Variants in LHX6 observed in about 807,000 individuals in gnomAD.
LHX6 encodes LIM homeobox 6.
In LHX6, 15 loss-of-function variants were observed where a neutral mutation model predicts 47.1. The observed-to-expected ratio is 0.32, with a 90% CI of 0.21 to 0.49. The LOEUF is 0.49. Among genes scored for constraint, LHX6 ranks in the 20% least tolerant of loss-of-function variants. The pLI is 0.99. For synonymous variants in LHX6, 242 were observed against 233.5 expected (o/e 1.04, Z -0.33); for missense variants, 404 against 539.6 (o/e 0.75, Z 2.49).
chr9:122,218,893 C>A (rs1791680634), intron 4 of LHX6, among the ~76,000 whole-genome samples: 1 of 152,136 alleles, frequency 6.6e-6, no homozygotes, highest in Non-Finnish European at 1.5e-5. Flanking sequence ...AGTCCCACGG[C>A]ACCCTGCACC....
At position 122,226,016 on chromosome 9, in the gene LHX6, G is replaced by A. The variant is rs1348240806; in HGVS notation, c.461+360C>T. Among the ~76,000 whole-genome samples the A allele has an allele frequency of 1.3e-5, 2 of 152,170 alleles. No individual in the cohort carries two copies. The highest frequency in any genetic ancestry group is 4.8e-5 in the African/African-American group (2 of 41,452). On this transcript the variant is annotated intron_variant, in intron 4 of 9. Transcript: ENST00000394319. The surrounding 1 kb of genome is among the most constrained non-coding windows in gnomAD (Gnocchi z 6.5). ...GGAAATGCAGCCGGACGACGGCTGG[G>A]ATCCGAGTGGGTCCGGGCCAGAAAT... is the stretch of plus-strand genomic sequence containing the variant.
chr9:122,206,115 A>G (rs776058250), intron 9 of LHX6, among the ~76,000 whole-genome samples: 2 of 152,160 alleles, frequency 1.3e-5, no homozygotes, highest in Non-Finnish European at 2.9e-5. Flanking sequence ...GAACTTTCCA[A>G]GTGTTGGATT....
intron 1 of LHX6, 71 bp from the exon 2 acceptor site, chr9:122,227,551 G>C (rs1330816265): frequency 2.1e-6 from 3 of 1,446,796 alleles, no homozygotes; most frequent in Non-Finnish European, 1.8e-6. Flanking sequence ...TGAGCCCAGC[G>C]CCTCCCCGCG....
At chr9:122,228,486 A>T in intron 1 of LHX6, 171 bp downstream of exon 1, 3 of 1,169,046 alleles carry the variant, frequency 2.6e-6, no homozygotes, top group Non-Finnish European at 3.2e-6. Flanking sequence ...GCTTTCCGCG[A>T]CCCCCCCCCC....
intron 1 of LHX6, chr9:122,228,290 C>A: frequency 6.5e-7 from 1 of 1,535,040 alleles, no homozygotes; most frequent in Non-Finnish European, 8.7e-7. Context: ...CCTCCAGCCC[C>A]TCGGCGCGCC....
chr9:122,226,304 C>A lies in LHX6; in HGVS notation c.461+72G>T. On this transcript the variant is annotated intron_variant, in intron 4 of 9. Coordinates refer to ENST00000394319, the MANE Select transcript of LHX6 (RefSeq NM_014368.5). This position sits in a 1 kb window ranked among gnomAD's most constrained non-coding sequence, Gnocchi z 6.5. Reference sequence around the variant, plus strand: ...GGGTTCTGGAGGAGAGACCACACGCCGCAAAAGTGGCCTCCGAATGCGCCC... The same window carrying A: ...GGGTTCTGGAGGAGAGACCACACGCAGCAAAAGTGGCCTCCGAATGCGCCC... 6.5e-7 allele frequency: 1 copy of A among 1,542,836 alleles called. No homozygotes were observed. Among genetic ancestry groups the A allele is most frequent in the South Asian group, 1.2e-5 (1 of 80,514 alleles).
chr9:122,206,741 A>T (rs1394563674), intron 9 of LHX6, among the ~76,000 whole-genome samples: 3 of 152,186 alleles, frequency 2.0e-5, no homozygotes, highest in South Asian at 4.2e-4. Context: ...TCCAGGGCCC[A>T]TCCCTGCCCT....
intron 8 of LHX6, among the ~76,000 whole-genome samples, chr9:122,210,631 T>A (rs1830363930): frequency 6.6e-6 from 1 of 152,174 alleles, no homozygotes; most frequent in Admixed American, 6.5e-5. Context: ...GCATCATCTC[T>A]GCTCAGTACA....
At chr9:122,221,636 GGCCAGGGACC>G in intron 4 of LHX6, 1 of 985,506 alleles carries the variant, frequency 1.0e-6, no homozygotes, top group Non-Finnish European at 1.2e-6. Context: ...AAGGCAGGAG[GGCCAGGGACC>G]GCAGTGACCT....
rs1830640041 is a variant in LHX6, at chr9:122,217,515, T to G, written c.462-227A>C. On this transcript the variant is annotated intron_variant, in intron 4 of 9. Transcript: ENST00000394319. The surrounding 1 kb of genome is among the most constrained non-coding windows in gnomAD (Gnocchi z 4.9). ...TTGGTGTTTTTCTGAATTTTCCAAATTTTCTACGATGGTCACTTATATTTG... is the reference window on the plus strand; with the variant it reads ...TTGGTGTTTTTCTGAATTTTCCAAAGTTTCTACGATGGTCACTTATATTTG... Among the ~76,000 whole-genome samples the G allele has an allele frequency of 6.6e-6, 1 of 152,232 alleles. No individual in the cohort carries two copies. Among genetic ancestry groups the G allele is most frequent in the Non-Finnish European group, 1.5e-5 (1 of 68,040 alleles).
At position 122,217,816 on chromosome 9, in the gene LHX6, G is replaced by C. The variant is rs146475417; in HGVS notation, c.462-528C>G. 1.7e-3 allele frequency among the ~76,000 whole-genome samples: 258 copies of C among 152,304 alleles called. No homozygotes were observed. The highest frequency in any genetic ancestry group is 3.4e-3 in the Middle Eastern group (1 of 294). ...ATAGCGCCAGCTGTACAGAAGTGCA[G>C]TTTCTTAGATGAACAGACAGATAAG... is the stretch of plus-strand genomic sequence containing the variant. On this transcript the variant is annotated intron_variant, in intron 4 of 9. Coordinates refer to ENST00000394319, the MANE Select transcript of LHX6 (RefSeq NM_014368.5). The surrounding 1 kb of genome is among the most constrained non-coding windows in gnomAD (Gnocchi z 4.9).
intron 8 of LHX6, among the ~76,000 whole-genome samples, chr9:122,212,141 T>A (rs1481697657): frequency 6.6e-6 from 1 of 152,152 alleles, no homozygotes; most frequent in Non-Finnish European, 1.5e-5. Flanking sequence ...AGTTACCTCG[T>A]TTGATGCTCA....
In LHX6 at chr9:122,227,485, G is replaced by C. The variant is rs1163025279; in HGVS notation, c.85-5C>G. 6.6e-7 allele frequency: 1 copy of C among 1,520,446 alleles called. No homozygotes were observed. The highest frequency in any genetic ancestry group is 8.8e-7 in the Non-Finnish European group (1 of 1,135,640). 94.2% of individuals were successfully genotyped at this position (1,520,446 alleles called of 1,614,324 possible). On this transcript the variant is annotated splice_polypyrimidine_tract_variant and splice_region_variant and intron_variant, in intron 1 of 9. Coordinates refer to ENST00000394319, the MANE Select transcript of LHX6 (RefSeq NM_014368.5). ...GGACCCTGGCTGGGCCATCACCTGG[G>C]GGAGGGGGGGAGGGAACGCAGGCGG...
intron 4 of LHX6, among the ~76,000 whole-genome samples, chr9:122,222,564 ACCAACCTCTC>A (rs1445940901): frequency 6.6e-6 from 1 of 152,160 alleles, no homozygotes; most frequent in African/African-American, 2.4e-5. Context: ...GCCAATGAGA[ACCAACCTCTC>A]CCAACAATGC....
intron 8 of LHX6, among the ~76,000 whole-genome samples, chr9:122,211,097 C>A (rs151174704): frequency 6.6e-6 from 1 of 152,258 alleles, no homozygotes; most frequent in African/African-American, 2.4e-5. Context: ...ACCTTTGGGT[C>A]GGATCCAAAT....
intron 5 of LHX6, among the ~76,000 whole-genome samples, chr9:122,215,486 G>A (rs1830561890): frequency 6.6e-6 from 1 of 152,198 alleles, no homozygotes; most frequent in Admixed American, 6.5e-5. Context: ...TGTTAAGTCT[G>A]TGGACAGGTG....
At position 122,226,926 on chromosome 9, in the gene LHX6, G is replaced by T; in HGVS notation, c.261C>A (p.Ala87=). 1 of 1,559,788 alleles carries T rather than the reference G, an allele frequency of 6.4e-7. No individual in the cohort carries two copies. The highest frequency in any genetic ancestry group is 2.4e-5 in the East Asian group (1 of 42,380). Residue 87 remains alanine, a synonymous_variant, in exon 3 of 10, where the codon GCC becomes GCA. Coordinates refer to ENST00000394319, the MANE Select transcript of LHX6 (RefSeq NM_014368.5). The surrounding 1 kb of genome is among the most constrained non-coding windows in gnomAD (Gnocchi z 6.5). ...STPSVCSPPS[A]ASSVPSAGKN... ...TGCCTGCAGACGGCACGGAGGAGGC[G>T]GCAGAGGGCGGTGAGCAGACAGATG... is the stretch of plus-strand genomic sequence containing the variant.
rs1016599995 is a variant in LHX6, at chr9:122,217,180, C to G, written c.570G>C (p.Ser190=). The G allele has an allele frequency of 3.1e-6, 5 of 1,614,222 alleles. No individual in the cohort carries two copies. Among genetic ancestry groups the G allele is most frequent in the Non-Finnish European group, 3.4e-6 (4 of 1,180,030 alleles). ...AYHLACFACF[S]CKRQLSTGEE... ...CACCAGTGGACAGCTGGCGCTTGCA[C>G]GAGAAGCAGGCGAAGCAGGCCAGGT... The change falls in exon 5 of 10, where the codon TCG becomes TCC. Residue 190 remains serine, a synonymous_variant. Transcript: ENST00000394319. The surrounding 1 kb of genome is among the most constrained non-coding windows in gnomAD (Gnocchi z 4.9).
chr9:122,209,348 A>C (rs1475765809), intron 9 of LHX6, among the ~76,000 whole-genome samples: 2 of 152,256 alleles, frequency 1.3e-5, no homozygotes, highest in African/African-American at 4.8e-5. Context: ...GCTTGAGTAA[A>C]GGAAATTCAC....
Sources: allele counts gnomAD v4.1 joint callset (sites outside exome capture counted in the v4.1 genomes callset), GRCh38; gene constraint gnomAD v4.1.1; non-coding constraint Gnocchi (gnomAD v3.1); transcripts MANE v1.5; gene names NCBI Gene and HGNC (gene_info 2026-07-23, HGNC 2026-07-21).